Variants in FNDC3B observed in about 807,000 individuals in gnomAD.
The protein encoded by FNDC3B is fibronectin type III domain containing 3B.
In FNDC3B, 12 loss-of-function variants were observed where a neutral mutation model predicts 151.5. That is an observed-to-expected ratio of 0.08 (90% CI 0.05 to 0.13). FNDC3B has a LOEUF of 0.13. Ranked by LOEUF, FNDC3B falls within the 10% of genes least tolerant of loss-of-function variation. The pLI is 1.00. For missense variants in FNDC3B, 1,214 were observed against 1,505.3 expected (o/e 0.81, Z 3.20); for synonymous variants, 528 against 549.0 (o/e 0.96, Z 0.54).
At chr3:172,337,220 G>C in intron 15 of FNDC3B, 110 bp from the exon 16 acceptor site, 1 of 681,248 alleles carries the variant, frequency 1.5e-6, no homozygotes, top group Non-Finnish European at 2.4e-6. Context: ...TTTTGGTCAT[G>C]TCTAGAATTC....
chr3:172,247,916 T>G, intron 5 of FNDC3B, 140 bp downstream of exon 5: 118 of 837,516 alleles, frequency 1.4e-4, no homozygotes, highest in Non-Finnish European at 2.0e-4. Context: ...GGGGAATTCC[T>G]AGCTTCCTTT....
intron 2 of FNDC3B, among the ~76,000 whole-genome samples, chr3:172,119,383 CAAA>C (rs5854460): frequency 5.3e-5 from 7 of 131,906 alleles, no homozygotes; most frequent in Admixed American, 1.5e-4. Flanking sequence ...TGTGGCCTAC[CAAA>C]AAAAAAAAAA....
rs113132936 is a variant in FNDC3B at position 172,174,924 on chromosome 3, C to G, written c.187+41378C>G. On this transcript the variant is annotated intron_variant, in intron 3 of 25. Coordinates refer to ENST00000415807, the MANE Select transcript of FNDC3B (RefSeq NM_022763.4). ...ATTCTCTGTGGACTTTGGAGACCTT[C>G]CCCCCGCCACCCCCCCCCCCCCAAT... Among the ~76,000 whole-genome samples the G allele has an allele frequency of 8.4e-3, 253 of 30,140 alleles. 1 individual carries two copies. The highest frequency in any genetic ancestry group is 0.019 in the Non-Finnish European group (207 of 10,822). The allele number at this position is 30,140 out of a possible 152,430, so 19.8% of individuals were successfully genotyped here.
intron 7 of FNDC3B, among the ~76,000 whole-genome samples, chr3:172,287,198 T>G (rs1043027560): frequency 1.3e-5 from 2 of 152,204 alleles, no homozygotes; most frequent in Admixed American, 6.5e-5. Context: ...ATTTAATATA[T>G]TGTACTGCAT....
intron 1 of FNDC3B, among the ~76,000 whole-genome samples, chr3:172,097,106 A>G (rs181549662): frequency 6.6e-6 from 1 of 152,308 alleles, no homozygotes; most frequent in East Asian, 1.9e-4. Flanking sequence ...GCTGATTCCC[A>G]TTTGATTGAC....
chr3:172,290,095 G>C (rs1214534350), intron 7 of FNDC3B, among the ~76,000 whole-genome samples: 1 of 152,188 alleles, frequency 6.6e-6, no homozygotes, highest in African/African-American at 2.4e-5. Context: ...TGGGAGCACA[G>C]TTGTAAAAAG....
chr3:172,146,203 T>C lies in FNDC3B; in HGVS notation c.187+12657T>C, dbSNP rs140127613. The stretch of plus-strand genomic sequence containing the variant: ...TTAGAAATCAAGATCTAGGATTAAA[T>C]TGGTTAATTTATTCTTAGTTAATAG... On this transcript the variant is annotated intron_variant, in intron 3 of 25. Transcript: ENST00000415807. Among the ~76,000 whole-genome samples the C allele has an allele frequency of 5.8e-3, 882 of 152,338 alleles. 7 individuals carry two copies. The highest frequency in any genetic ancestry group is 0.02 in the African/African-American group (811 of 41,582).
At chr3:172,322,566 T>G (rs1732141367) in intron 11 of FNDC3B, among the ~76,000 whole-genome samples, 1 of 152,262 alleles carries the variant, frequency 6.6e-6, no homozygotes, top group Non-Finnish European at 1.5e-5. Context: ...TGTCTCCTTT[T>G]GGTCCTGAGA....
chr3:172,258,137 A>T (rs1576846559), intron 6 of FNDC3B, among the ~76,000 whole-genome samples: 1 of 152,306 alleles, frequency 6.6e-6, no homozygotes, highest in East Asian at 1.9e-4. Flanking sequence ...ATTGGGACAA[A>T]GTGGCAAGAA....
intron 3 of FNDC3B, among the ~76,000 whole-genome samples, chr3:172,180,139 T>A (rs1279406278): frequency 6.6e-6 from 1 of 152,058 alleles, no homozygotes; most frequent in Non-Finnish European, 1.5e-5. Context: ...GTGTATTTTC[T>A]GAAATACACC....
chr3:172,173,663 T>A (rs1352123539), intron 3 of FNDC3B, among the ~76,000 whole-genome samples: 6 of 149,920 alleles, frequency 4.0e-5, no homozygotes, highest in Admixed American at 6.6e-5. Context: ...AAATTAAAAA[T>A]AAAAAAAATT....
chr3:172,355,750 C>A (rs1267526120), intron 22 of FNDC3B, among the ~76,000 whole-genome samples: 2 of 152,122 alleles, frequency 1.3e-5, no homozygotes, highest in African/African-American at 2.4e-5. Flanking sequence ...TCTTATTTAC[C>A]CATCCCACCA....
At chr3:172,316,152 C>G (rs999242527) in intron 11 of FNDC3B, among the ~76,000 whole-genome samples, 2 of 151,774 alleles carry the variant, frequency 1.3e-5, no homozygotes, top group South Asian at 2.1e-4. Flanking sequence ...AGATTACAGG[C>G]GTCTGCCACC....
intron 19 of FNDC3B, 27 bp from the exon 20 acceptor site, chr3:172,346,300 C>A (rs367887016): frequency 7.8e-7 from 1 of 1,289,102 alleles, no homozygotes; most frequent in Non-Finnish European, 1.1e-6. Context: ...TATATACATA[C>A]GTGTGTGTGC....
chr3:172,202,090 C>G (rs1725185091), intron 3 of FNDC3B, among the ~76,000 whole-genome samples: 1 of 152,180 alleles, frequency 6.6e-6, no homozygotes, highest in South Asian at 2.1e-4. Context: ...TAAAAGGCAA[C>G]TGCAGTTGAG....
At chr3:172,243,773 C>T (rs1057127308) in intron 4 of FNDC3B, among the ~76,000 whole-genome samples, 1 of 152,162 alleles carries the variant, frequency 6.6e-6, no homozygotes, top group Non-Finnish European at 1.5e-5. Flanking sequence ...CCTATATGAC[C>T]TCATTTCACC....
intron 1 of FNDC3B, among the ~76,000 whole-genome samples, chr3:172,099,925 C>CT (rs201873598): frequency 0.15 from 22,618 of 151,966 alleles, 2,190 homozygotes; most frequent in Admixed American, 0.23. Flanking sequence ...GTCTGGGAGA[C>CT]CCTTGGGTAC....
intron 2 of FNDC3B, among the ~76,000 whole-genome samples, chr3:172,125,342 C>T (rs1038878811): frequency 7.2e-5 from 11 of 152,194 alleles, no homozygotes; most frequent in Admixed American, 7.2e-4. Flanking sequence ...CGGGTCACAG[C>T]AGCGGCTCCC....
chr3:172,095,222 A>G (rs1719040289), intron 1 of FNDC3B, among the ~76,000 whole-genome samples: 1 of 152,206 alleles, frequency 6.6e-6, no homozygotes, highest in African/African-American at 2.4e-5. Flanking sequence ...GATATAGTGT[A>G]ATAAAAAAAT....
Sources: gnomAD v4.1 joint callset for allele counts (sites outside exome capture counted in the v4.1 genomes callset) on GRCh38, gnomAD v4.1.1 for gene constraint, MANE v1.5 for transcripts, NCBI Gene and HGNC (gene_info 2026-07-23, HGNC 2026-07-21) for gene names.